SLIT2: variants seen among roughly 807,000 people sequenced by gnomAD.
SLIT2 encodes slit homolog 2 protein.
A neutral mutation model predicts 185.7 loss-of-function variants in SLIT2; 41 were observed. The observed-to-expected ratio is 0.22, with a 90% CI of 0.17 to 0.29. SLIT2 has a LOEUF of 0.29. SLIT2 is among the 10% of genes least tolerant of loss of function. The pLI is 1.00. For synonymous variants in SLIT2, 693 were observed against 680.2 expected (o/e 1.02, Z -0.29); for missense variants, 1,571 against 1,909.0 (o/e 0.82, Z 3.30).
At chr4:20,360,747 A>T (rs535685347) in intron 4 of SLIT2, among the ~76,000 whole-genome samples, 3 of 152,308 alleles carry the variant, frequency 2.0e-5, no homozygotes, top group East Asian at 3.9e-4. Context: ...TGTGCATGGT[A>T]CATACTATTC....
intron 4 of SLIT2, among the ~76,000 whole-genome samples, chr4:20,377,423 G>A (rs976769043): frequency 2.0e-5 from 3 of 152,024 alleles, no homozygotes; most frequent in Non-Finnish European, 2.9e-5. Context: ...TATAAAATGG[G>A]AGGTATTATC....
At chr4:20,539,130 G>A (rs1474022081) in intron 18 of SLIT2, among the ~76,000 whole-genome samples, 2 of 152,100 alleles carry the variant, frequency 1.3e-5, no homozygotes, top group African/African-American at 4.8e-5. Context: ...GGTGAATTAG[G>A]ACATTATGCA....
At chr4:20,588,259 T>C (rs973558434) in intron 29 of SLIT2, among the ~76,000 whole-genome samples, 1 of 152,238 alleles carries the variant, frequency 6.6e-6, no homozygotes, top group African/African-American at 2.4e-5. Flanking sequence ...TAAAAACTAA[T>C]ATCATACACC....
intron 4 of SLIT2, among the ~76,000 whole-genome samples, chr4:20,456,639 T>C (rs1318065226): frequency 2.6e-5 from 4 of 152,178 alleles, no homozygotes; most frequent in African/African-American, 2.4e-5. Flanking sequence ...TTTATGTGTC[T>C]TCATAAATGA....
chr4:20,326,796 G>C (rs1308073255), intron 4 of SLIT2, among the ~76,000 whole-genome samples: 1 of 110,130 alleles, frequency 9.1e-6, no homozygotes, highest in Non-Finnish European at 1.8e-5. Context: ...TCTGGCTCCA[G>C]TTAGAAAATT....
intron 4 of SLIT2, among the ~76,000 whole-genome samples, chr4:20,439,610 A>G (rs1729594823): frequency 6.6e-6 from 1 of 152,204 alleles, no homozygotes; most frequent in Non-Finnish European, 1.5e-5. Flanking sequence ...TTACTTCTGC[A>G]AAGACCCATT....
intron 9 of SLIT2, among the ~76,000 whole-genome samples, chr4:20,504,826 A>G (rs1719054617): frequency 6.6e-6 from 1 of 152,132 alleles, no homozygotes; most frequent in Non-Finnish European, 1.5e-5. Flanking sequence ...CCTCAGTCTG[A>G]AAATATTAAT....
intron 4 of SLIT2, among the ~76,000 whole-genome samples, chr4:20,292,314 T>A (rs1295957247): frequency 6.6e-6 from 1 of 152,218 alleles, no homozygotes. Flanking sequence ...TTACTCAACG[T>A]GTGACTATTT....
chr4:20,472,295 G>GATCTATAGATATATATCTAT (rs1715223364), intron 5 of SLIT2, among the ~76,000 whole-genome samples: 3 of 25,886 alleles, frequency 1.2e-4, no homozygotes, highest in Admixed American at 1.5e-3. Context: ...TAGATATATA[G>GATCTATAGATATATATCTAT]ATATATAGAT....
chr4:20,574,056 G>A (rs28730458), intron 29 of SLIT2, among the ~76,000 whole-genome samples: 4,714 of 151,794 alleles, frequency 0.031, 250 homozygotes, highest in African/African-American at 0.099. Flanking sequence ...CCAGGTTCAC[G>A]CCATTCTCCT....
chr4:20,594,398 T>G (rs1727804522), intron 30 of SLIT2, among the ~76,000 whole-genome samples: 1 of 151,878 alleles, frequency 6.6e-6, no homozygotes, highest in Admixed American at 6.6e-5. Context: ...TGTGTATGTG[T>G]GTGTATATAT....
intron 4 of SLIT2, among the ~76,000 whole-genome samples, chr4:20,288,979 C>T (rs1348759749): frequency 6.6e-6 from 1 of 152,110 alleles, no homozygotes; most frequent in Non-Finnish European, 1.5e-5. Context: ...GGTGAAGTTG[C>T]CAAAGAAAGG....
intron 36 of SLIT2, 139 bp downstream of exon 36, chr4:20,617,789 G>A: frequency 1.6e-6 from 1 of 630,800 alleles, no homozygotes. Flanking sequence ...TGACAGGAGA[G>A]AATACTAGGT....
intron 29 of SLIT2, chr4:20,569,305 A>G (rs1329368455): frequency 5.8e-6 from 2 of 344,292 alleles, no homozygotes; most frequent in Non-Finnish European, 1.1e-5. Flanking sequence ...TGTGCAAACC[A>G]TTTTCCCTGT....
chr4:20,515,118 T>C (rs1388905010), intron 11 of SLIT2, among the ~76,000 whole-genome samples: 1 of 152,196 alleles, frequency 6.6e-6, no homozygotes, highest in Non-Finnish European at 1.5e-5. Context: ...ACTAGGTGGC[T>C]GTGTTCAAAT....
At chr4:20,272,639 T>G (rs891850077) in intron 4 of SLIT2, among the ~76,000 whole-genome samples, 1 of 152,160 alleles carries the variant, frequency 6.6e-6, no homozygotes, top group South Asian at 2.1e-4. Flanking sequence ...ATATTTGTTT[T>G]GTGGTTTTCG....
chr4:20,441,484 ATC>A (rs35297721), intron 4 of SLIT2, among the ~76,000 whole-genome samples: 28,493 of 126,248 alleles, frequency 0.23, 3,129 homozygotes, highest in Non-Finnish European at 0.28. Flanking sequence ...CCCTCATCCA[ATC>A]TCTCTCTCTC....
intron 8 of SLIT2, among the ~76,000 whole-genome samples, chr4:20,490,621 T>C (rs1010696669): frequency 1.3e-5 from 2 of 152,236 alleles, no homozygotes; most frequent in African/African-American, 2.4e-5. Flanking sequence ...TAAATGGTTA[T>C]ATTTTAGACC....
intron 4 of SLIT2, among the ~76,000 whole-genome samples, chr4:20,330,608 A>G (rs569380896): frequency 8.4e-4 from 128 of 152,224 alleles, no homozygotes; most frequent in African/African-American, 2.9e-3. Context: ...TAATAATTAC[A>G]TACTCTCAGA....
Sources: allele counts gnomAD v4.1 joint callset (sites outside exome capture counted in the v4.1 genomes callset), GRCh38; gene constraint gnomAD v4.1.1; transcripts MANE v1.5; gene names NCBI Gene and HGNC (gene_info 2026-07-23, HGNC 2026-07-21).